The following SNTG1 variants were observed in gnomAD, a reference collection of about 807,000 sequenced individuals.
SNTG1 encodes gamma-1-syntrophin.
A neutral mutation model predicts 74.7 loss-of-function variants in SNTG1; 39 were observed. The observed-to-expected ratio is 0.52, with a 90% CI of 0.40 to 0.68. The LOEUF (loss-of-function observed/expected upper bound fraction) is 0.68. Among genes scored for constraint, SNTG1 ranks in the 30% least tolerant of loss-of-function variants. The probability of loss-of-function intolerance (pLI) is 0.00; values close to 1 mark genes in which losing one functional copy is unlikely to be tolerated. For synonymous variants in SNTG1, 254 were observed against 217.1 expected, an observed-to-expected ratio of 1.17 and a Z score of -1.49; for missense variants, 685 against 609.5, an observed-to-expected ratio of 1.12 and a Z score of -1.30.
At chr8:50,280,231 T>C (rs2088362264) in intron 2 of SNTG1, among the ~76,000 whole-genome samples, 1 of 152,218 alleles carries the variant, frequency 6.6e-6, no homozygotes. Flanking sequence ...ATCTCATAAT[T>C]TGTTGAAGAG....
chr8:50,440,108 G>T (rs1049480210), intron 5 of SNTG1, among the ~76,000 whole-genome samples: 4 of 151,212 alleles, frequency 2.6e-5, no homozygotes, highest in Non-Finnish European at 1.5e-5. Context: ...ATAATAAATA[G>T]AATATTTTTT....
chr8:50,711,907 T>C (rs1279073202), intron 17 of SNTG1, among the ~76,000 whole-genome samples: 1 of 152,052 alleles, frequency 6.6e-6, no homozygotes, highest in African/African-American at 2.4e-5. Context: ...TAGAGAAGGG[T>C]ATTATTATTA....
intron 13 of SNTG1, among the ~76,000 whole-genome samples, chr8:50,632,777 T>A (rs1001552188): frequency 5.5e-4 from 84 of 152,214 alleles, no homozygotes; most frequent in Non-Finnish European, 1.0e-3. Context: ...AAGACTGTTA[T>A]ATTCAAAAAG....
intron 8 of SNTG1, among the ~76,000 whole-genome samples, chr8:50,475,229 A>T (rs1016872613): frequency 3.3e-5 from 5 of 149,968 alleles, no homozygotes; most frequent in Non-Finnish European, 7.4e-5. Context: ...AAGTATAATA[A>T]TAATAATAAT....
intron 1 of SNTG1, among the ~76,000 whole-genome samples, chr8:49,974,036 G>A (rs1197317103): frequency 6.6e-6 from 1 of 152,076 alleles, no homozygotes; most frequent in Non-Finnish European, 1.5e-5. Flanking sequence ...TTCATTAAGA[G>A]TATTCATCAT....
chr8:50,288,239 A>G (rs1319002117), intron 2 of SNTG1, among the ~76,000 whole-genome samples: 3 of 152,198 alleles, frequency 2.0e-5, no homozygotes, highest in South Asian at 4.1e-4. Context: ...GATTGCACAC[A>G]TCTACAACTC....
intron 9 of SNTG1, among the ~76,000 whole-genome samples, chr8:50,516,211 G>A (rs942822630): frequency 6.6e-6 from 1 of 152,132 alleles, no homozygotes. Context: ...GGGCTTGATT[G>A]TTGGGAGAAA....
intron 3 of SNTG1, among the ~76,000 whole-genome samples, chr8:50,396,380 G>A (rs1190333208): frequency 1.3e-5 from 2 of 152,214 alleles, no homozygotes; most frequent in Non-Finnish European, 2.9e-5. Context: ...AATGATTTCA[G>A]AAGGCTTCAA....
At chr8:50,510,278 T>C (rs191817719) in intron 9 of SNTG1, among the ~76,000 whole-genome samples, 4 of 152,176 alleles carry the variant, frequency 2.6e-5, no homozygotes, top group East Asian at 3.9e-4. Flanking sequence ...CTTGATCATG[T>C]TGGATAAGCT....
At chr8:50,532,158 T>A (rs2094273941) in intron 10 of SNTG1, among the ~76,000 whole-genome samples, 1 of 152,150 alleles carries the variant, frequency 6.6e-6, no homozygotes, top group South Asian at 2.1e-4. Context: ...GATTGAACAT[T>A]CTTTTGACAT....
At chr8:50,402,588 A>T (rs909898083) in intron 4 of SNTG1, among the ~76,000 whole-genome samples, 4 of 152,088 alleles carry the variant, frequency 2.6e-5, no homozygotes, top group Non-Finnish European at 4.4e-5. Context: ...TCATCATATG[A>T]TGGGAGTGAC....
chr8:50,355,527 T>G (rs1297791327), intron 2 of SNTG1, among the ~76,000 whole-genome samples: 1 of 152,226 alleles, frequency 6.6e-6, no homozygotes, highest in East Asian at 1.9e-4. Context: ...AAAGGATACA[T>G]GAAAGGCGAA....
At chr8:50,399,351 T>A (rs553848003) in intron 3 of SNTG1, among the ~76,000 whole-genome samples, 2 of 152,184 alleles carry the variant, frequency 1.3e-5, no homozygotes, top group African/African-American at 2.4e-5. Context: ...TATCTAATAA[T>A]TTGTGAACAT....
chr8:49,918,565 A>C (rs1806247102), intron 1 of SNTG1, among the ~76,000 whole-genome samples: 1 of 152,188 alleles, frequency 6.6e-6, no homozygotes, highest in Non-Finnish European at 1.5e-5. Context: ...AGCAAATTAT[A>C]ACACACTCTA....
chr8:49,950,151 A>T (rs1014614915), intron 1 of SNTG1, among the ~76,000 whole-genome samples: 5 of 151,914 alleles, frequency 3.3e-5, no homozygotes, highest in African/African-American at 7.2e-5. Context: ...AAAAAAAAAT[A>T]ATTATTTAAA....
intron 1 of SNTG1, among the ~76,000 whole-genome samples, chr8:50,170,369 T>G (rs546272052): frequency 6.6e-6 from 1 of 152,228 alleles, no homozygotes; most frequent in East Asian, 1.9e-4. Flanking sequence ...ATAAAATAAC[T>G]AAGGAAACAA....
chr8:50,183,240 T>C (rs13277538), intron 2 of SNTG1, among the ~76,000 whole-genome samples: 44,995 of 152,104 alleles, frequency 0.3, 6,756 homozygotes, highest in South Asian at 0.43. Context: ...TAACAGTGTT[T>C]CTCTGCGCTA....
In SNTG1 at chr8:50,101,736, G is replaced by T. The variant is rs2080133844; in HGVS notation, c.-102-70825G>T. Reference sequence around the variant, plus strand: ...CTCCCACCCCACAACAGTCCCCAGAGTGTAATGTTCCCCTTCCTGTGTCCA... The same window carrying T: ...CTCCCACCCCACAACAGTCCCCAGATTGTAATGTTCCCCTTCCTGTGTCCA... On this transcript the variant is annotated intron_variant, in intron 1 of 18. Coordinates refer to ENST00000642720, the MANE Select transcript of SNTG1 (RefSeq NM_018967.5). Among the ~76,000 whole-genome samples, 4 of 151,564 alleles carry T rather than the reference G, an allele frequency of 2.6e-5. No homozygotes were observed. The South Asian group carries it at 8.4e-4, about 32-fold the overall frequency.
At chr8:50,693,520 A>G (rs955758986) in intron 15 of SNTG1, among the ~76,000 whole-genome samples, 14 of 152,352 alleles carry the variant, frequency 9.2e-5, no homozygotes, top group African/African-American at 2.9e-4. Flanking sequence ...GAATTGCAAT[A>G]TAACAATTAT....
Sources: gnomAD v4.1 joint callset for allele counts (sites outside exome capture counted in the v4.1 genomes callset) on GRCh38, gnomAD v4.1.1 for gene constraint, MANE v1.5 for transcripts, NCBI Gene and HGNC (gene_info 2026-07-23, HGNC 2026-07-21) for gene names.